The following METAP1 variants were observed in gnomAD, a reference collection of about 807,000 sequenced individuals.
METAP1 encodes methionyl aminopeptidase 1.
In METAP1, 28 loss-of-function variants were observed where a neutral mutation model predicts 53.8. That is an observed-to-expected ratio of 0.52 (90% CI 0.39 to 0.71). METAP1 has a LOEUF of 0.71. METAP1 is among the 30% of genes least tolerant of loss of function. The pLI, the probability that METAP1 is intolerant of heterozygous loss-of-function variation, is 0.00. For synonymous variants in METAP1, 181 were observed against 165.7 expected (o/e 1.09, Z -0.71); for missense variants, 389 against 479.8 (o/e 0.81, Z 1.77).
intron 1 of METAP1, among the ~76,000 whole-genome samples, chr4:99,020,238 C>T (rs1306630445): frequency 1.3e-5 from 2 of 152,172 alleles, no homozygotes; most frequent in African/African-American, 4.8e-5. Context: ...CTCTGCTACT[C>T]TCTCTGGGTC....
intron 7 of METAP1, among the ~76,000 whole-genome samples, chr4:99,043,591 G>T (rs1726023995): frequency 6.6e-6 from 1 of 152,164 alleles, no homozygotes; most frequent in South Asian, 2.1e-4. Flanking sequence ...CCGGTGTGAT[G>T]TGTTTGGTGC....
chr4:99,015,141 T>G (rs560516628), intron 1 of METAP1, among the ~76,000 whole-genome samples: 17 of 152,338 alleles, frequency 1.1e-4, no homozygotes, highest in Admixed American at 3.3e-4. Flanking sequence ...AGTGTAACAG[T>G]CGCTTTTGTT....
intron 1 of METAP1, among the ~76,000 whole-genome samples, chr4:99,004,941 T>C (rs1723108087): frequency 6.6e-6 from 1 of 152,220 alleles, no homozygotes; most frequent in South Asian, 2.1e-4. Context: ...AAATTTGGGT[T>C]GTTACGGTTT....
chr4:99,052,093 C>T (rs1726757188), intron 9 of METAP1, among the ~76,000 whole-genome samples: 1 of 152,060 alleles, frequency 6.6e-6, no homozygotes. Flanking sequence ...TTTTGGTTTC[C>T]CAGTGCAGTG....
At position 99,062,439 on chromosome 4, in the gene METAP1, C is replaced by T. The variant is rs781331439; in HGVS notation, c.*1122C>T. ...AATGACCTCAGCTGCCCCATATCTA[C>T]GTTCCTTTCAGCAGTTGTCCAAGTA... On this transcript the variant is annotated 3_prime_UTR_variant, in exon 11 of 11. Transcript: ENST00000296411. 2.0e-5 allele frequency: 3 copies of T among 152,592 alleles called. No individual in the cohort carries two copies. Among genetic ancestry groups the T allele is most frequent in the Admixed American group, 6.5e-5 (1 of 15,276 alleles). 9.5% of individuals were successfully genotyped at this position (152,592 alleles called of 1,614,324 possible). A position where few individuals can be genotyped will look rare whatever the true frequency, so the allele number is the denominator to read the frequency against.
chr4:99,050,769 G>C (rs543336447), intron 9 of METAP1, among the ~76,000 whole-genome samples: 1 of 152,278 alleles, frequency 6.6e-6, no homozygotes, highest in South Asian at 2.1e-4. Flanking sequence ...TCTAATGCCT[G>C]ATGATCTGAG....
intron 9 of METAP1, among the ~76,000 whole-genome samples, chr4:99,053,211 C>T (rs1019783504): frequency 6.6e-6 from 1 of 152,158 alleles, no homozygotes; most frequent in African/African-American, 2.4e-5. Flanking sequence ...ATGCATCACA[C>T]AATTTCCTCC....
intron 8 of METAP1, 114 bp from the exon 9 acceptor site, chr4:99,048,619 C>A: frequency 8.6e-7 from 1 of 1,164,530 alleles, no homozygotes; most frequent in Non-Finnish European, 1.2e-6. Flanking sequence ...ATCTTCCTGC[C>A]TTGACCTCTC....
intron 2 of METAP1, among the ~76,000 whole-genome samples, chr4:99,030,275 A>G (rs1165722382): frequency 1.3e-5 from 2 of 152,180 alleles, no homozygotes; most frequent in Non-Finnish European, 2.9e-5. Context: ...AATACTGGAT[A>G]TTTAGGGGCA....
chr4:99,041,640 TAA>T (rs1431301799), intron 6 of METAP1, among the ~76,000 whole-genome samples: 1 of 151,580 alleles, frequency 6.6e-6, no homozygotes, highest in Non-Finnish European at 1.5e-5. Context: ...ATATGAATTT[TAA>T]AAAAAAGAGT....
intron 2 of METAP1, 145 bp downstream of exon 2, chr4:99,029,063 T>G: frequency 1.8e-6 from 1 of 551,724 alleles, no homozygotes; most frequent in Non-Finnish European, 3.2e-6. Flanking sequence ...ATATTTTAAA[T>G]TTTTGTGATA....
In METAP1 at chr4:99,061,607, C is replaced by A; in HGVS notation, c.*290C>A. ...AACTTGCTTGTAGTTGCTTTTATCA[C>A]TGCCGCAAAACAGCCATCAAGAGCC... On this transcript the variant is annotated 3_prime_UTR_variant, in exon 11 of 11. Coordinates refer to ENST00000296411, the MANE Select transcript of METAP1 (RefSeq NM_015143.3). 1 of 243,020 alleles carries A rather than the reference C, an allele frequency of 4.1e-6. No homozygotes were observed. Among genetic ancestry groups the A allele is most frequent in the Non-Finnish European group, 7.8e-6 (1 of 128,158 alleles). 15.1% of individuals were successfully genotyped at this position (243,020 alleles called of 1,614,324 possible).
chr4:99,043,436 G>A (rs1269939367), intron 7 of METAP1, 49 bp downstream of exon 7: 2 of 1,534,546 alleles, frequency 1.3e-6, no homozygotes, highest in East Asian at 2.4e-5. Flanking sequence ...AAACAACAAA[G>A]CTTGGGGAAT....
At chr4:99,049,103 A>G (rs935029351) in intron 9 of METAP1, among the ~76,000 whole-genome samples, 1 of 152,190 alleles carries the variant, frequency 6.6e-6, no homozygotes, top group East Asian at 1.9e-4. Flanking sequence ...GGCAGTTACT[A>G]TGTGACACAG....
chr4:99,057,901 C>T (rs1727267527), intron 10 of METAP1, 83 bp downstream of exon 10: 1 of 1,237,098 alleles, frequency 8.1e-7, no homozygotes, highest in African/African-American at 1.5e-5. Flanking sequence ...GTCTTTTCTA[C>T]CTGCTTGCTT....
At chr4:99,060,567 G>A in intron 10 of METAP1, among the ~76,000 whole-genome samples, 1 of 152,070 alleles carries the variant, frequency 6.6e-6, no homozygotes, top group South Asian at 2.1e-4. Flanking sequence ...GTTTCACTGT[G>A]TTAGCTAGGA....
intron 1 of METAP1, among the ~76,000 whole-genome samples, chr4:99,018,246 C>CT (rs1723893171): frequency 6.6e-6 from 1 of 152,350 alleles, no homozygotes; most frequent in East Asian, 1.9e-4. Flanking sequence ...ACCTAAATGT[C>CT]TAACTTCTGT....
intron 1 of METAP1, among the ~76,000 whole-genome samples, chr4:99,027,271 T>C (rs1011629667): frequency 6.6e-6 from 1 of 152,174 alleles, no homozygotes; most frequent in African/African-American, 2.4e-5. Flanking sequence ...AATCACAGAA[T>C]GATTGTCTAA....
At chr4:99,013,860 C>T (rs573576978) in intron 1 of METAP1, among the ~76,000 whole-genome samples, 18 of 152,244 alleles carry the variant, frequency 1.2e-4, no homozygotes, top group East Asian at 1.2e-3. Flanking sequence ...AACATTTAAC[C>T]GGGGAATGAT....
Sources: gnomAD v4.1 joint callset for allele counts (sites outside exome capture counted in the v4.1 genomes callset) on GRCh38, gnomAD v4.1.1 for gene constraint, MANE v1.5 for transcripts, NCBI Gene and HGNC (gene_info 2026-07-23, HGNC 2026-07-21) for gene names.